HCN1: variants seen among roughly 807,000 people sequenced by gnomAD.
HCN1 encodes hyperpolarization activated cyclic nucleotide gated potassium channel 1.
HCN1 carries 13 observed loss-of-function variants against 78.9 expected under a neutral mutation model. That is an observed-to-expected ratio of 0.16 (90% CI 0.11 to 0.26). HCN1 has a LOEUF of 0.26. Among genes scored for constraint, HCN1 ranks in the 10% least tolerant of loss-of-function variants. The probability of loss-of-function intolerance (pLI) is 1.00; values close to 1 mark genes in which losing one functional copy is unlikely to be tolerated. For synonymous variants in HCN1, 552 were observed against 455.5 expected (o/e 1.21, Z -2.70); for missense variants, 810 against 1,154.3 (o/e 0.70, Z 4.32).
chr5:45,569,422 A>T (rs1743780228), intron 2 of HCN1, among the ~76,000 whole-genome samples: 1 of 152,176 alleles, frequency 6.6e-6, no homozygotes, highest in Admixed American at 6.6e-5. Context: ...TCTTTTGAGA[A>T]ATTCAGAAAT....
chr5:45,347,209 G>A (rs935364650), intron 5 of HCN1, among the ~76,000 whole-genome samples: 3 of 152,158 alleles, frequency 2.0e-5, no homozygotes, highest in South Asian at 2.1e-4. Flanking sequence ...TGTGGTTCAC[G>A]AAAATCTGCT....
At chr5:45,376,131 AAATAT>A (rs1183200331) in intron 4 of HCN1, among the ~76,000 whole-genome samples, 13 of 110,030 alleles carry the variant, frequency 1.2e-4, no homozygotes, top group East Asian at 2.7e-4. Context: ...ATGTTATATA[AAATAT>A]AATATATTAT....
intron 6 of HCN1, among the ~76,000 whole-genome samples, chr5:45,296,487 A>G (rs1579787674): frequency 6.6e-6 from 1 of 152,124 alleles, no homozygotes; most frequent in Admixed American, 6.6e-5. Context: ...AATTTATACT[A>G]CATAGTATTA....
At chr5:45,431,747 T>A (rs1034649069) in intron 3 of HCN1, among the ~76,000 whole-genome samples, 7 of 152,126 alleles carry the variant, frequency 4.6e-5, no homozygotes, top group African/African-American at 1.4e-4. Flanking sequence ...TGATTATAGG[T>A]GTGTAGCATT....
At chr5:45,341,620 G>A (rs1248710337) in intron 5 of HCN1, among the ~76,000 whole-genome samples, 1 of 152,146 alleles carries the variant, frequency 6.6e-6, no homozygotes, top group Admixed American at 6.6e-5. Context: ...TAAGCGCAAA[G>A]GTGGCTCATG....
intron 4 of HCN1, among the ~76,000 whole-genome samples, chr5:45,370,232 A>G (rs1167876911): frequency 6.6e-6 from 1 of 152,030 alleles, no homozygotes; most frequent in Non-Finnish European, 1.5e-5. Flanking sequence ...TTGATTAAAA[A>G]CGGACATATT....
chr5:45,652,860 A>T (rs1006378711), intron 1 of HCN1, among the ~76,000 whole-genome samples: 5 of 151,850 alleles, frequency 3.3e-5, no homozygotes, highest in African/African-American at 1.2e-4. Flanking sequence ...GCCCAGCTCT[A>T]TATCTTCCCT....
chr5:45,658,526 A>C (rs1236133237), intron 1 of HCN1, among the ~76,000 whole-genome samples: 1 of 152,128 alleles, frequency 6.6e-6, no homozygotes, highest in East Asian at 1.9e-4. Context: ...TGATTTCTGC[A>C]TTTCCATCTG....
At chr5:45,333,847 G>T (rs948353976) in intron 5 of HCN1, among the ~76,000 whole-genome samples, 12 of 151,596 alleles carry the variant, frequency 7.9e-5, no homozygotes, top group African/African-American at 2.2e-4. Context: ...CGTGTACAAG[G>T]GTTCCCTTTT....
chr5:45,353,035 TCTCCATGAAGAGAGAAAATAAACAATGA>T, intron 5 of HCN1, 37 bp downstream of exon 5: 1 of 1,392,088 alleles, frequency 7.2e-7, no homozygotes, highest in Non-Finnish European at 1.0e-6. Context: ...ACTAGAAGAT[TCTCCATGAAGAGAGAAAATAAACAATGA>T]TTATGTATTA....
intron 2 of HCN1, among the ~76,000 whole-genome samples, chr5:45,586,179 C>T (rs966094360): frequency 1.3e-5 from 2 of 152,182 alleles, no homozygotes; most frequent in Non-Finnish European, 2.9e-5. Flanking sequence ...CCACCCAGTT[C>T]GAGCTTCCTG....
At chr5:45,375,233 T>TA (rs1747592128) in intron 4 of HCN1, among the ~76,000 whole-genome samples, 1 of 116,924 alleles carries the variant, frequency 8.6e-6, no homozygotes, top group African/African-American at 3.5e-5. Flanking sequence ...TATTTTATAA[T>TA]ATATAATATA....
chr5:45,290,058 T>A (rs1337154315), intron 6 of HCN1, among the ~76,000 whole-genome samples: 1 of 151,822 alleles, frequency 6.6e-6, no homozygotes, highest in Non-Finnish European at 1.5e-5. Context: ...ATGGAGGCAG[T>A]TTTTCCTGCA....
chr5:45,503,766 G>A (rs1430892164), intron 2 of HCN1, among the ~76,000 whole-genome samples: 2 of 81,580 alleles, frequency 2.5e-5, no homozygotes, highest in South Asian at 4.3e-4. Flanking sequence ...CTCCCCCCAC[G>A]CCAACACAAA....
intron 1 of HCN1, among the ~76,000 whole-genome samples, chr5:45,689,863 G>T (rs75632664): frequency 1.3e-5 from 2 of 152,028 alleles, no homozygotes; most frequent in African/African-American, 2.4e-5. Flanking sequence ...TGGAGGACAG[G>T]TTACATTTTC....
rs1745290867 is a variant in HCN1, at chr5:45,632,782, A to C, written c.849+12403T>G. 2.0e-5 allele frequency among the ~76,000 whole-genome samples: 3 copies of C among 152,056 alleles called. No individual in the cohort carries two copies. In the South Asian group the frequency reaches 6.2e-4, roughly 32 times the overall value. On this transcript the variant is annotated intron_variant, in intron 2 of 7. Coordinates refer to ENST00000303230, the MANE Select transcript of HCN1 (RefSeq NM_021072.4). ...CTATCAATACATGGATTCTCTGACA[A>C]TAGCCACAACAGACACAGGTGTTGG...
intron 2 of HCN1, among the ~76,000 whole-genome samples, chr5:45,495,528 C>G (rs1742006857): frequency 6.6e-6 from 1 of 152,086 alleles, no homozygotes; most frequent in Admixed American, 6.6e-5. Flanking sequence ...TCTAGATATA[C>G]AATCACGTCG....
intron 2 of HCN1, among the ~76,000 whole-genome samples, chr5:45,609,173 T>C (rs1394412167): frequency 1.3e-5 from 2 of 152,104 alleles, no homozygotes; most frequent in African/African-American, 4.8e-5. Flanking sequence ...CATCATTTTG[T>C]AAAGCTGAAA....
At chr5:45,574,147 A>T (rs542946246) in intron 2 of HCN1, among the ~76,000 whole-genome samples, 1 of 152,188 alleles carries the variant, frequency 6.6e-6, no homozygotes, top group East Asian at 1.9e-4. Context: ...AGTTTTCAGG[A>T]ATATCTTGGT....
Sources: gnomAD v4.1 joint callset for allele counts (sites outside exome capture counted in the v4.1 genomes callset) on GRCh38, gnomAD v4.1.1 for gene constraint, MANE v1.5 for transcripts, NCBI Gene and HGNC (gene_info 2026-07-23, HGNC 2026-07-21) for gene names.